FAAH2: variants seen among roughly 807,000 people sequenced by gnomAD.
FAAH2 encodes the protein fatty acid amide hydrolase 2, also known as fatty-acid amide hydrolase 2.
In FAAH2, 60 loss-of-function variants were observed where a neutral mutation model predicts 36.9. The observed-to-expected ratio is 1.63, with a 90% confidence interval of 1.32 to 2.02. FAAH2 has a LOEUF of 2.02. Ranked by LOEUF, FAAH2 falls within the 30% of genes most tolerant of loss-of-function variation. The pLI is 0.00. For missense variants in FAAH2, 689 were observed against 397.5 expected (o/e 1.73, Z -6.23); for synonymous variants, 214 against 143.8 (o/e 1.49, Z -3.49).
intron 5 of FAAH2, among the ~76,000 whole-genome samples, chrX:57,359,592 C>T (rs2054239364): frequency 8.9e-6 from 1 of 111,786 alleles, no homozygotes; most frequent in African/African-American, 3.2e-5. Flanking sequence ...TATTCTTGTA[C>T]ATATCTGCCC....
At chrX:57,233,298 C>T in the FAAH2 span, among the ~76,000 whole-genome samples, 1 of 111,276 alleles carries the variant, frequency 9.0e-6, no homozygotes, top group Non-Finnish European at 1.9e-5. Context: ...TTGGTTTTAG[C>T]TGGGCAAAAT....
At chrX:57,445,304 C>T (rs953234267) in intron 8 of FAAH2, among the ~76,000 whole-genome samples, 1 of 111,318 alleles carries the variant, frequency 9.0e-6, no homozygotes, top group African/African-American at 3.3e-5. Flanking sequence ...CCTGGGTCAC[C>T]AGGTAAAGTA....
chrX:57,147,762 T>A, the FAAH2 span, among the ~76,000 whole-genome samples: 1 of 111,993 alleles, frequency 8.9e-6, no homozygotes, highest in African/African-American at 3.2e-5. Flanking sequence ...TCTTTCACTA[T>A]TATCATTCAG....
At chrX:57,290,935 C>T (rs1602167715) in intron 1 of FAAH2, among the ~76,000 whole-genome samples, 1 of 111,766 alleles carries the variant, frequency 8.9e-6, no homozygotes, top group East Asian at 2.8e-4. Flanking sequence ...ATTAAGCCTT[C>T]TAAATATCAC....
chrX:57,265,045 G>A, the FAAH2 span, among the ~76,000 whole-genome samples: 1 of 111,785 alleles, frequency 8.9e-6, no homozygotes, highest in Non-Finnish European at 1.9e-5. Flanking sequence ...CTCACCCAGG[G>A]AAGTGGTGAG....
chrX:57,185,370 G>A, the FAAH2 span, among the ~76,000 whole-genome samples: 22 of 110,765 alleles, frequency 2.0e-4, no homozygotes, highest in Admixed American at 1.8e-3. Context: ...ACTTCATTTA[G>A]TAAAATGACT....
chrX:57,193,512 G>T, the FAAH2 span, among the ~76,000 whole-genome samples: 3,602 of 111,254 alleles, frequency 0.032, 133 homozygotes, highest in African/African-American at 0.11. Flanking sequence ...CACCCTATTT[G>T]TACACTCCCT....
intron 10 of FAAH2, among the ~76,000 whole-genome samples, chrX:57,464,868 AC>A (rs776598179): frequency 7.2e-5 from 8 of 111,634 alleles, no homozygotes; most frequent in African/African-American, 1.9e-4. Context: ...AACAAAAAAA[AC>A]AATGACAACA....
At chrX:57,228,244 A>T in the FAAH2 span, among the ~76,000 whole-genome samples, 49 of 110,949 alleles carry the variant, frequency 4.4e-4, no homozygotes, top group Non-Finnish European at 8.3e-4. Flanking sequence ...TCCTCTGGCC[A>T]CCCTCCTGAT....
At chrX:57,172,627 G>A in the FAAH2 span, among the ~76,000 whole-genome samples, 1 of 112,168 alleles carries the variant, frequency 8.9e-6, no homozygotes, top group Non-Finnish European at 1.9e-5. Flanking sequence ...ACGTGGGCTT[G>A]GAGAATTAAT....
intron 4 of FAAH2, among the ~76,000 whole-genome samples, chrX:57,335,958 A>G (rs1246315005): frequency 9.0e-6 from 1 of 111,726 alleles, no homozygotes; most frequent in Non-Finnish European, 1.9e-5. Context: ...CCCTGAGTTG[A>G]CACAGCACAT....
At chrX:57,466,156 C>CTCTCTCTCTCTCTATATA (rs1287266105) in intron 10 of FAAH2, among the ~76,000 whole-genome samples, 11 of 66,392 alleles carry the variant, frequency 1.7e-4, no homozygotes, top group Non-Finnish European at 2.7e-4. Context: ...CTCTCTCTCT[C>CTCTCTCTCTCTCTATATA]TATATATATA....
chrX:57,391,148 G>GT (rs1408213647), intron 7 of FAAH2, among the ~76,000 whole-genome samples: 1 of 110,408 alleles, frequency 9.1e-6, no homozygotes, highest in African/African-American at 3.3e-5. Flanking sequence ...GTCTATTCAT[G>GT]TTTTTTGCTC....
At chrX:57,206,178 A>T in the FAAH2 span, among the ~76,000 whole-genome samples, 1 of 112,021 alleles carries the variant, frequency 8.9e-6, no homozygotes, top group African/African-American at 3.2e-5. Flanking sequence ...AGGGCTAGTG[A>T]GACTAGGATC....
intron 10 of FAAH2, among the ~76,000 whole-genome samples, chrX:57,460,447 A>G (rs2056938234): frequency 8.9e-6 from 1 of 112,114 alleles, no homozygotes; most frequent in Non-Finnish European, 1.9e-5. Flanking sequence ...CCGCCAGACT[A>G]ATAGCAGATG....
chrX:57,362,313 G>A (rs955438108), intron 5 of FAAH2, among the ~76,000 whole-genome samples: 1 of 110,249 alleles, frequency 9.1e-6, no homozygotes, highest in Non-Finnish European at 1.9e-5. Context: ...GAGAACACAC[G>A]GACACAGGGA....
intron 2 of FAAH2, among the ~76,000 whole-genome samples, chrX:57,307,877 G>A (rs2052585874): frequency 9.7e-6 from 1 of 103,229 alleles, no homozygotes. Flanking sequence ...TGAGAAATGA[G>A]AACAATGTGA....
In FAAH2 at chrX:57,393,550, C is replaced by T. The variant is rs1379074397; in HGVS notation, c.996+12521C>T. ...TGGCAAATGGGCCTGCATGGACAAA[C>T]ACTGGAGTGCCCTCCAATCTCTGCA... On this transcript the variant is annotated intron_variant, in intron 7 of 10. Transcript: ENST00000374900. The T allele has an allele frequency of 3.1e-6, 3 of 957,910 alleles. No individual in the cohort carries two copies. In the East Asian group the frequency reaches 9.2e-5, roughly 29 times the overall value. The allele number at this position is 957,910 out of a possible 1,213,427, so 78.9% of individuals were successfully genotyped here.
rs187417251 is a variant in FAAH2 at position 57,403,415 on chromosome X, A to G, written c.996+22386A>G. On this transcript the variant is annotated intron_variant, in intron 7 of 10. Coordinates refer to ENST00000374900, the MANE Select transcript of FAAH2 (RefSeq NM_174912.4). The stretch of plus-strand genomic sequence containing the variant: ...AAAGGGGTCTGGGCTGCTGGATTCT[A>G]GTGGTCCTTTACCAGCAAGCCTGAC... 3.0e-3 allele frequency among the ~76,000 whole-genome samples: 339 copies of G among 112,727 alleles called. 3 individuals carry two copies. Among genetic ancestry groups the G allele is most frequent in the Non-Finnish European group, 5.8e-3 (307 of 53,337 alleles).
Sources: gnomAD v4.1 joint callset for allele counts (sites outside exome capture counted in the v4.1 genomes callset) on GRCh38, gnomAD v4.1.1 for gene constraint, MANE v1.5 for transcripts, NCBI Gene and HGNC (gene_info 2026-07-23, HGNC 2026-07-21) for gene names.